NEK1: variants seen among roughly 807,000 people sequenced by gnomAD.
NEK1 encodes the protein NIMA related kinase 1.
Under a neutral mutation model 182.1 loss-of-function variants are expected in NEK1, and 137 were observed. That is an observed-to-expected ratio of 0.75 (90% confidence interval 0.65 to 0.87). The LOEUF is 0.87. Ranked by LOEUF, NEK1 falls within the 40% of genes least tolerant of loss-of-function variation. NEK1 has a pLI of 0.00. For missense variants in NEK1, 1,391 were observed against 1,494.4 expected, an observed-to-expected ratio of 0.93 and a Z score of 1.14; for synonymous variants, 513 against 492.2, an observed-to-expected ratio of 1.04 and a Z score of -0.56.
rs1334736106 is a variant in NEK1, at chr4:169,508,766, T to C, written c.1749+3A>G. ...GGAGGTAGCGAACATGCGGGAAGCA[T>C]ACCTCTTCCTCTTTGTTTCTTGGCT... On this transcript the variant is annotated splice_donor_region_variant and intron_variant, in intron 20 of 35. Coordinates refer to ENST00000507142, the MANE Select transcript of NEK1 (RefSeq NM_001199397.3). 3 of 1,569,438 alleles carry C rather than the reference T, an allele frequency of 1.9e-6. No homozygotes were observed. Among genetic ancestry groups the C allele is most frequent in the Non-Finnish European group, 1.7e-6 (2 of 1,163,990 alleles).
intron 10 of NEK1, among the ~76,000 whole-genome samples, chr4:169,581,662 A>G (rs1766677394): frequency 6.6e-6 from 1 of 152,136 alleles, no homozygotes; most frequent in South Asian, 2.1e-4. Context: ...GCATCCATAC[A>G]TTACTCGCCT....
Position 169,599,989 on chromosome 4 carries a change from T to C in NEK1, c.215-792A>G, listed in dbSNP as rs567439646. Reference sequence around the variant, plus strand: ...GAACCTCTCGCCTCAGCCTCCCCAATAGCTAGGACTACAAGCCCATGCTAC... The same window carrying C: ...GAACCTCTCGCCTCAGCCTCCCCAACAGCTAGGACTACAAGCCCATGCTAC... On this transcript the variant is annotated intron_variant, in intron 4 of 35. Transcript: ENST00000507142. Among the ~76,000 whole-genome samples the C allele has an allele frequency of 3.3e-5, 5 of 151,756 alleles. No homozygotes were observed. In the South Asian group the frequency reaches 1.0e-3, roughly 32 times the overall value.
intron 7 of NEK1, among the ~76,000 whole-genome samples, 191 bp downstream of exon 7, chr4:169,589,256 T>A (rs1242807089): frequency 1.3e-5 from 2 of 152,188 alleles, no homozygotes; most frequent in East Asian, 3.9e-4. Flanking sequence ...TAGGTTTGTA[T>A]AAGTACACTC....
Position 169,557,766 on chromosome 4 carries a change from C to G in NEK1, c.1267-1671G>C, listed in dbSNP as rs759479209. 5.3e-5 allele frequency among the ~76,000 whole-genome samples: 8 copies of G among 152,016 alleles called. No individual in the cohort carries two copies. The South Asian group carries it at 6.2e-4, about 12-fold the overall frequency. On this transcript the variant is annotated intron_variant, in intron 16 of 35. Transcript: ENST00000507142. ...TGGGCAAATTGGCGAAACAACATCC[C>G]TGCAAATACAAAAAATTAGCCGGGC... is the stretch of plus-strand genomic sequence containing the variant.
At chr4:169,569,998 G>A (rs1387935179) in intron 12 of NEK1, among the ~76,000 whole-genome samples, 1 of 149,704 alleles carries the variant, frequency 6.7e-6, no homozygotes, top group Admixed American at 6.6e-5. Flanking sequence ...GCCCAGTCTG[G>A]AAAGTGAGGA....
intron 19 of NEK1, among the ~76,000 whole-genome samples, chr4:169,533,639 T>C (rs577500180): frequency 1.3e-5 from 2 of 152,288 alleles, no homozygotes; most frequent in African/African-American, 4.8e-5. Flanking sequence ...AGGAAACTCA[T>C]TAGATGAGCT....
At chr4:169,587,872 G>A (rs990703669) in intron 8 of NEK1, among the ~76,000 whole-genome samples, 14 of 151,760 alleles carry the variant, frequency 9.2e-5, no homozygotes, top group Non-Finnish European at 1.6e-4. Context: ...AAAAATTCAC[G>A]TAAATTCTAT....
chr4:169,544,821 T>C (rs1166026871), intron 18 of NEK1, among the ~76,000 whole-genome samples: 5 of 151,852 alleles, frequency 3.3e-5, no homozygotes, highest in Non-Finnish European at 5.9e-5. Flanking sequence ...GTGGGATCAA[T>C]GGCGATACCC....
chr4:169,595,237 C>T (rs1251276007), intron 5 of NEK1, among the ~76,000 whole-genome samples: 6 of 151,996 alleles, frequency 3.9e-5, no homozygotes, highest in Non-Finnish European at 8.8e-5. Context: ...TCAAGAATTA[C>T]TAGGAATGAA....
intron 23 of NEK1, among the ~76,000 whole-genome samples, chr4:169,494,438 G>A (rs773623027): frequency 6.6e-5 from 10 of 152,102 alleles, no homozygotes; most frequent in Non-Finnish European, 1.0e-4. Flanking sequence ...CGTCATTTTT[G>A]ATGGCTGCAT....
chr4:169,572,341 A>C (rs1765005524), intron 12 of NEK1, among the ~76,000 whole-genome samples: 1 of 152,234 alleles, frequency 6.6e-6, no homozygotes, highest in Non-Finnish European at 1.5e-5. Flanking sequence ...AATGACTCCA[A>C]TATGGAAGAT....
intron 2 of NEK1, among the ~76,000 whole-genome samples, chr4:169,609,080 A>G (rs1211330341): frequency 6.7e-6 from 1 of 148,314 alleles, no homozygotes; most frequent in Non-Finnish European, 1.5e-5. Flanking sequence ...AAAAAAAAAG[A>G]AGAAGAAATA....
intron 16 of NEK1, among the ~76,000 whole-genome samples, chr4:169,557,842 G>A (rs552329850): frequency 6.6e-6 from 1 of 152,268 alleles, no homozygotes; most frequent in East Asian, 1.9e-4. Context: ...GAGATGGGAA[G>A]ATTGCTTGAA....
intron 19 of NEK1, among the ~76,000 whole-genome samples, chr4:169,530,767 G>A (rs117702386): frequency 6.6e-6 from 1 of 151,266 alleles, no homozygotes; most frequent in East Asian, 1.9e-4. Flanking sequence ...GGGGGGTGAT[G>A]GAATTGTTCT....
At chr4:169,491,121 A>G (rs1004970986) in intron 23 of NEK1, among the ~76,000 whole-genome samples, 3 of 134,880 alleles carry the variant, frequency 2.2e-5, no homozygotes, top group African/African-American at 5.9e-5. Flanking sequence ...CCAGCAACAG[A>G]GGAAGACTCC....
intron 27 of NEK1, among the ~76,000 whole-genome samples, chr4:169,457,514 G>A (rs1175126324): frequency 2.0e-5 from 3 of 151,554 alleles, no homozygotes; most frequent in Non-Finnish European, 4.4e-5. Context: ...GCCCTTTGGA[G>A]GCTGAGGCAG....
At chr4:169,454,694 G>T (rs1285824555) in intron 27 of NEK1, among the ~76,000 whole-genome samples, 1 of 152,226 alleles carries the variant, frequency 6.6e-6, no homozygotes, top group Non-Finnish European at 1.5e-5. Context: ...TGCTGGAGAG[G>T]ATGTGGAGAA....
intron 26 of NEK1, among the ~76,000 whole-genome samples, chr4:169,470,630 C>T (rs934120109): frequency 5.3e-5 from 8 of 152,080 alleles, no homozygotes; most frequent in Admixed American, 3.9e-4. Context: ...ATCTTTGTGG[C>T]GTTCTCTGTA....
intron 35 of NEK1, among the ~76,000 whole-genome samples, chr4:169,399,403 C>G (rs112573240): frequency 0.09 from 13,720 of 151,864 alleles, 788 homozygotes; most frequent in African/African-American, 0.16. Context: ...ATGGTGAAAC[C>G]CTGTCTCTAC....
Sources: gnomAD v4.1 joint callset for allele counts (sites outside exome capture counted in the v4.1 genomes callset) on GRCh38, gnomAD v4.1.1 for gene constraint, MANE v1.5 for transcripts, NCBI Gene and HGNC (gene_info 2026-07-23, HGNC 2026-07-21) for gene names.